Variants in PAM observed in about 807,000 individuals in gnomAD.
PAM encodes the protein peptidylglycine alpha-amidating monooxygenase, also known as peptidyl-glycine alpha-amidating monooxygenase.
Under a neutral mutation model 122.1 loss-of-function variants are expected in PAM, and 72 were observed. The ratio of observed to expected loss-of-function variants is 0.59; its 90% CI spans 0.49 to 0.72. The LOEUF (loss-of-function observed/expected upper bound fraction) is 0.72. Among genes scored for constraint, PAM ranks in the 30% least tolerant of loss-of-function variants. The probability of loss-of-function intolerance (pLI) is 0.00; values close to 1 mark genes in which losing one functional copy is unlikely to be tolerated. For synonymous variants in PAM, 389 were observed against 404.4 expected, an observed-to-expected ratio of 0.96 and a Z score of 0.46; for missense variants, 1,106 against 1,183.7, an observed-to-expected ratio of 0.93 and a Z score of 0.96.
chr5:102,973,104 C>T lies in PAM; in HGVS notation c.1163-1012C>T, dbSNP rs183973317. Among the ~76,000 whole-genome samples, 343 of 152,270 alleles carry T rather than the reference C, an allele frequency of 2.3e-3. 1 individual carries two copies. Among genetic ancestry groups the T allele is most frequent in the Non-Finnish European group, 3.8e-3 (258 of 68,026 alleles). On this transcript the variant is annotated intron_variant, in intron 14 of 25. Transcript: ENST00000438793. ...AATTGTGCTGTAAATGTAATTAAAACGTAAGCAACAGGACTCCATAGTCGT... is the reference window on the plus strand; with the variant it reads ...AATTGTGCTGTAAATGTAATTAAAATGTAAGCAACAGGACTCCATAGTCGT...
At chr5:102,853,801 G>C (rs1781913068) in intron 1 of PAM, among the ~76,000 whole-genome samples, 1 of 152,256 alleles carries the variant, frequency 6.6e-6, no homozygotes, top group South Asian at 2.1e-4. Context: ...CACAGGGGAG[G>C]CAGATTTAGG....
chr5:102,946,517 A>G (rs1757089958), intron 7 of PAM, among the ~76,000 whole-genome samples: 1 of 150,198 alleles, frequency 6.7e-6, no homozygotes, highest in African/African-American at 2.5e-5. Flanking sequence ...TTTTTCAACA[A>G]TACAGATAAT....
intron 14 of PAM, among the ~76,000 whole-genome samples, chr5:102,964,712 G>A (rs992027846): frequency 2.0e-5 from 3 of 150,984 alleles, no homozygotes; most frequent in Admixed American, 6.6e-5. Context: ...TATATATTAT[G>A]CATATATTTA....
Position 102,946,044 on chromosome 5 carries a change from A to T in PAM, c.527-793A>T, listed in dbSNP as rs79290906. Among the ~76,000 whole-genome samples the T allele has an allele frequency of 8.1e-3, 1,229 of 152,312 alleles. 22 individuals carry two copies. The highest frequency in any genetic ancestry group is 0.028 in the African/African-American group (1,148 of 41,580). On this transcript the variant is annotated intron_variant, in intron 7 of 25. Coordinates refer to ENST00000438793, the MANE Select transcript of PAM (RefSeq NM_001177306.2). ...AAAACTAGCTGAAGTTTCTGAGTTC[A>T]CAGAAGTAAGATCAGCATAGAGGTT...
At chr5:102,851,020 T>C (rs1186969514) in intron 1 of PAM, among the ~76,000 whole-genome samples, 1 of 152,160 alleles carries the variant, frequency 6.6e-6, no homozygotes. Flanking sequence ...ATTGACTGAA[T>C]CTGCTGGAAC....
At chr5:102,846,571 A>G (rs1470149472) in intron 1 of PAM, among the ~76,000 whole-genome samples, 1 of 152,166 alleles carries the variant, frequency 6.6e-6, no homozygotes, top group Admixed American at 6.5e-5. Context: ...GTTAGGTTTC[A>G]AGGAGTAGAA....
At chr5:102,976,159 T>G (rs976180239) in intron 15 of PAM, among the ~76,000 whole-genome samples, 1 of 152,114 alleles carries the variant, frequency 6.6e-6, no homozygotes, top group Non-Finnish European at 1.5e-5. Flanking sequence ...CAACTGCAAA[T>G]TAATAAAGGA....
intron 1 of PAM, among the ~76,000 whole-genome samples, chr5:102,773,267 T>C (rs1167729285): frequency 6.6e-6 from 1 of 152,130 alleles, no homozygotes; most frequent in Non-Finnish European, 1.5e-5. Context: ...TTGCTTTGTA[T>C]TGTATTTGAT....
Position 103,028,078 on chromosome 5 carries a change from GCC to G in PAM, c.2690-106_2690-105del. 5 of 820,602 alleles carry G rather than the reference GCC, an allele frequency of 6.1e-6. No individual in the cohort carries two copies. The East Asian group carries it at 1.2e-4, about 20-fold the overall frequency. The allele number at this position is 820,602 out of a possible 1,614,324, so 50.8% of individuals were successfully genotyped here. A position where few individuals can be genotyped will look rare whatever the true frequency, so the allele number is the denominator to read the frequency against. ...AGAATTGCATACAGACAAGAGCCAG[GCC>G]TTGCTTTATCATTTACCAGTTCCTA... On this transcript the variant is annotated intron_variant, in intron 24 of 25. Transcript: ENST00000438793.
chr5:102,851,745 G>A (rs1158401100), intron 1 of PAM, among the ~76,000 whole-genome samples: 2 of 152,166 alleles, frequency 1.3e-5, no homozygotes, highest in East Asian at 3.9e-4. Flanking sequence ...TAACTCTGTA[G>A]CCTTGAGTTC....
rs528004227 is a variant in PAM, at chr5:102,985,751, G to C, written c.1484-4521G>C. 5.3e-5 allele frequency among the ~76,000 whole-genome samples: 8 copies of C among 152,190 alleles called. No individual in the cohort carries two copies. The South Asian group carries it at 1.7e-3, about 32-fold the overall frequency. On this transcript the variant is annotated intron_variant, in intron 15 of 25. Transcript: ENST00000438793. ...CTTCTTAATTTATTCTATGAAACCAGCATTATCTTGACTTCAAAACCAGAT... is the reference window on the plus strand; with the variant it reads ...CTTCTTAATTTATTCTATGAAACCACCATTATCTTGACTTCAAAACCAGAT...
intron 3 of PAM, among the ~76,000 whole-genome samples, chr5:102,867,921 G>T (rs1234555753): frequency 1.3e-5 from 2 of 152,170 alleles, no homozygotes; most frequent in Non-Finnish European, 2.9e-5. Context: ...TGACTTGCTC[G>T]TTGTAAGAGA....
chr5:102,794,245 G>A (rs1762785161), intron 1 of PAM, among the ~76,000 whole-genome samples: 1 of 152,190 alleles, frequency 6.6e-6, no homozygotes, highest in Non-Finnish European at 1.5e-5. Context: ...GGTGAAGGAG[G>A]GAGGCTGGGA....
rs1158216301 is a variant in PAM at position 102,937,661 on chromosome 5, G to C, written c.527-9176G>C. Among the ~76,000 whole-genome samples, 4 of 152,112 alleles carry C rather than the reference G, an allele frequency of 2.6e-5. No homozygotes were observed. In the South Asian group the frequency reaches 6.2e-4, roughly 24 times the overall value. On this transcript the variant is annotated intron_variant, in intron 7 of 25. Transcript: ENST00000438793. ...CAGCCTAACTAAAAGGGATCATCAG[G>C]CCTCACCCTTCCGTTTTACAGAAAT...
At chr5:102,817,285 T>C (rs1172160061) in intron 1 of PAM, among the ~76,000 whole-genome samples, 1 of 152,168 alleles carries the variant, frequency 6.6e-6, no homozygotes, top group Non-Finnish European at 1.5e-5. Flanking sequence ...TAAAAAGAAA[T>C]ACTTCATCAC....
chr5:102,823,417 A>G (rs1336865725), intron 1 of PAM, among the ~76,000 whole-genome samples: 1 of 152,176 alleles, frequency 6.6e-6, no homozygotes, highest in African/African-American at 2.4e-5. Flanking sequence ...AAAAAAATCA[A>G]AGCCTAAAAG....
chr5:102,872,649 A>T (rs1787906647), intron 3 of PAM, among the ~76,000 whole-genome samples: 1 of 152,210 alleles, frequency 6.6e-6, no homozygotes, highest in Admixed American at 6.5e-5. Context: ...AACATCATTT[A>T]TAAGTGGCAG....
Position 102,950,052 on chromosome 5 carries a change from G to A in PAM, c.801+74G>A, listed in dbSNP as rs1474304366. On this transcript the variant is annotated intron_variant, in intron 11 of 25. Coordinates refer to ENST00000438793, the MANE Select transcript of PAM (RefSeq NM_001177306.2). ...GAAAGTAATTTTTAAAAATTATTAT[G>A]CAACTCTTGTGAATTTCTCTAAAAA... 5.0e-6 allele frequency: 4 copies of A among 804,604 alleles called. No individual in the cohort carries two copies. In the Admixed American group the frequency reaches 7.8e-5, roughly 16 times the overall value. The allele number at this position is 804,604 out of a possible 1,614,324, so 49.8% of individuals were successfully genotyped here. A position where few individuals can be genotyped will look rare whatever the true frequency, so the allele number is the denominator to read the frequency against.
chr5:102,857,224 G>A (rs968543850), intron 1 of PAM, among the ~76,000 whole-genome samples: 2 of 152,206 alleles, frequency 1.3e-5, no homozygotes, highest in Non-Finnish European at 2.9e-5. Flanking sequence ...ACTGAGAGCA[G>A]ATAGGGAGCA....
Sources: allele counts gnomAD v4.1 joint callset (sites outside exome capture counted in the v4.1 genomes callset), GRCh38; gene constraint gnomAD v4.1.1; transcripts MANE v1.5; gene names NCBI Gene and HGNC (gene_info 2026-07-23, HGNC 2026-07-21).